MAS1: variants seen among roughly 807,000 people sequenced by gnomAD.
The protein encoded by MAS1 is proto-oncogene Mas.
For synonymous variants in MAS1, 163 were observed against 164.2 expected (o/e 0.99, Z 0.05); for missense variants, 387 against 409.7 (o/e 0.94, Z 0.48).
rs2115123081 is a variant in MAS1, at chr6:159,911,184, A to G, written c.*3251A>G. On this transcript the variant is annotated 3_prime_UTR_variant, in exon 3 of 3. Coordinates refer to ENST00000674077, the MANE Select transcript of MAS1 (RefSeq NM_002377.4). ...ATCACCTGCTTATTAATGAACCTCA[A>G]ATAGACATTTGCTGACCAGAACCCT... 1 of 152,222 alleles carries G rather than the reference A, an allele frequency of 6.6e-6. No homozygotes were observed. The allele number at this position is 152,222 out of a possible 1,614,324, so 9.4% of individuals were successfully genotyped here. A position where few individuals can be genotyped will look rare whatever the true frequency, so the allele number is the denominator to read the frequency against.
chr6:159,915,712 G>C lies in MAS1; in HGVS notation c.*7779G>C, dbSNP rs1259935910. ...CCACCCAAAGCAGATCCTGAGACAA[G>C]GATTTAGTGCAAGTAATTCATGTGG... On this transcript the variant is annotated 3_prime_UTR_variant, in exon 3 of 3. Transcript: ENST00000674077. The C allele has an allele frequency of 6.6e-6, 1 of 152,258 alleles. No homozygotes were observed. The highest frequency in any genetic ancestry group is 1.9e-4 in the East Asian group (1 of 5,200). 9.4% of individuals were successfully genotyped at this position (152,258 alleles called of 1,614,324 possible).
rs1286535541 is a variant in MAS1, at chr6:159,916,127, T to C, written c.*8194T>C. ...AATTAAAGTAACCTACCCCACGAAG[T>C]AGCTGTGCCAAGTAAGTGAAATAAT... On this transcript the variant is annotated 3_prime_UTR_variant, in exon 3 of 3. Transcript: ENST00000674077. 3 of 152,254 alleles carry C rather than the reference T, an allele frequency of 2.0e-5. No homozygotes were observed. The highest frequency in any genetic ancestry group is 1.3e-4 in the Admixed American group (2 of 15,288). The allele number at this position is 152,254 out of a possible 1,614,324, so 9.4% of individuals were successfully genotyped here.
intron 1 of MAS1, among the ~76,000 whole-genome samples, chr6:159,895,544 G>T (rs1462397849): frequency 6.6e-6 from 1 of 152,070 alleles, no homozygotes; most frequent in Admixed American, 6.5e-5. Context: ...AATGTTTCTT[G>T]CAGTTCAATA....
chr6:159,890,795 C>T (rs1431059413), upstream of MAS1, among the ~76,000 whole-genome samples: 3 of 152,214 alleles, frequency 2.0e-5, no homozygotes, highest in African/African-American at 7.2e-5. Flanking sequence ...TTCTCTTTAG[C>T]CCTGGCTGGC....
rs73586496 is a variant in MAS1 at position 159,894,498 on chromosome 6, A to G, written c.-244+3365A>G. ...GGCAGTGTAAGAAGAGATCCAGCGA[A>G]GGAGAAAGAAGAAGAACTGCAGGAA... On this transcript the variant is annotated intron_variant, in intron 1 of 2. Transcript: ENST00000674077. 6.7e-4 allele frequency among the ~76,000 whole-genome samples: 102 copies of G among 152,020 alleles called. 1 individual carries two copies. The highest frequency in any genetic ancestry group is 2.3e-3 in the African/African-American group (97 of 41,454).
At chr6:159,901,378 G>A (rs1782820082) in intron 2 of MAS1, among the ~76,000 whole-genome samples, 1 of 152,152 alleles carries the variant, frequency 6.6e-6, no homozygotes, top group Non-Finnish European at 1.5e-5. Flanking sequence ...TTGGGAGGCC[G>A]AAGCAGGGGG....
rs1782966620 is a variant in MAS1, at chr6:159,911,673, G to A, written c.*3740G>A. On this transcript the variant is annotated 3_prime_UTR_variant, in exon 3 of 3. Coordinates refer to ENST00000674077, the MANE Select transcript of MAS1 (RefSeq NM_002377.4). ...GAGAGCCTCTGGAAGCTGAGTTCCT[G>A]GATAACCGTGCCATACCTTTTCTTT... The A allele has an allele frequency of 6.6e-6, 1 of 152,066 alleles. No individual in the cohort carries two copies. Among genetic ancestry groups the A allele is most frequent in the African/African-American group, 2.4e-5 (1 of 41,378 alleles). The allele number at this position is 152,066 out of a possible 1,614,324, so 9.4% of individuals were successfully genotyped here.
rs1171045393 is a variant in MAS1 at position 159,912,232 on chromosome 6, A to G, written c.*4299A>G. 6.6e-6 allele frequency: 1 copy of G among 152,226 alleles called. No homozygotes were observed. Among genetic ancestry groups the G allele is most frequent in the Admixed American group, 6.5e-5 (1 of 15,288 alleles). 9.4% of individuals were successfully genotyped at this position (152,226 alleles called of 1,614,324 possible). A position where few individuals can be genotyped will look rare whatever the true frequency, so the allele number is the denominator to read the frequency against. The stretch of plus-strand genomic sequence containing the variant: ...GGAGATGGGATCGTTGGCTGCCTTC[A>G]TGGAGTTGTTTAAGGAGCACTTAGA... On this transcript the variant is annotated 3_prime_UTR_variant, in exon 3 of 3. Transcript: ENST00000674077.
At position 159,907,430 on chromosome 6, in the gene MAS1, C is replaced by T. The variant is rs772173297; in HGVS notation, c.475C>T (p.Leu159Phe). The T allele has an allele frequency of 3.7e-6, 6 of 1,614,062 alleles. No individual in the cohort carries two copies. The South Asian group carries it at 5.5e-5, about 15-fold the overall frequency. The stretch of plus-strand genomic sequence containing the variant: ...ATTGGTCTGTGCCCTTCTGTGGGCT[C>T]TTTCTTGCTTGGTGACCACCATGGA... The part of the protein sequence containing the change: ...SALVCALLWA[L>F]SCLVTTMEYV... Residue 159 changes from leucine (L) to phenylalanine (F), a missense_variant, in exon 3 of 3, where the codon CTT becomes TTT. Transcript: ENST00000674077.
chr6:159,900,416 A>G (rs962655367), intron 2 of MAS1, among the ~76,000 whole-genome samples: 7 of 152,196 alleles, frequency 4.6e-5, no homozygotes, highest in African/African-American at 1.4e-4. Context: ...ACGAGCACGT[A>G]GGGCCGGCTG....
At chr6:159,897,442 G>A (rs1451032900) in intron 1 of MAS1, among the ~76,000 whole-genome samples, 1 of 152,170 alleles carries the variant, frequency 6.6e-6, no homozygotes, top group Non-Finnish European at 1.5e-5. Context: ...AGGAGTAATG[G>A]GGAGGTAGAG....
At chr6:159,890,313 T>C (rs1242307479), upstream of MAS1, among the ~76,000 whole-genome samples, 1 of 152,214 alleles carries the variant, frequency 6.6e-6, no homozygotes, top group Non-Finnish European at 1.5e-5. Flanking sequence ...TTTGCTCTCA[T>C]GTTCCTGACT....
At chr6:159,904,093 G>A (rs944147397) in intron 2 of MAS1, among the ~76,000 whole-genome samples, 2 of 152,008 alleles carry the variant, frequency 1.3e-5, no homozygotes, top group East Asian at 1.9e-4. Context: ...TTCTTCCCCA[G>A]TTGTCCTCCT....
upstream of MAS1, among the ~76,000 whole-genome samples, chr6:159,890,861 C>A (rs1782689862): frequency 6.6e-6 from 1 of 152,244 alleles, no homozygotes. Flanking sequence ...ACACCCCGCT[C>A]TGGATTGGCG....
upstream of MAS1, among the ~76,000 whole-genome samples, chr6:159,889,041 G>A (rs1016452868): frequency 1.3e-5 from 2 of 152,124 alleles, no homozygotes; most frequent in Non-Finnish European, 2.9e-5. Flanking sequence ...GGGGCCTTCC[G>A]CCACCCACTC....
chr6:159,892,728 T>G lies in MAS1; in HGVS notation c.-244+1595T>G, dbSNP rs370746838. 3.3e-5 allele frequency among the ~76,000 whole-genome samples: 5 copies of G among 152,290 alleles called. No homozygotes were observed. In the East Asian group the frequency reaches 7.7e-4, roughly 24 times the overall value. ...TGCAGCCAGCAATCTCAGGTGGACC[T>G]GGCAGGACACAGGCTCTGCAAAGCC... is the stretch of plus-strand genomic sequence containing the variant. On this transcript the variant is annotated intron_variant, in intron 1 of 2. Coordinates refer to ENST00000674077, the MANE Select transcript of MAS1 (RefSeq NM_002377.4).
Position 159,912,297 on chromosome 6 carries a change from G to C in MAS1, c.*4364G>C, listed in dbSNP as rs1782973884. 1 of 152,208 alleles carries C rather than the reference G, an allele frequency of 6.6e-6. No homozygotes were observed. Among genetic ancestry groups the C allele is most frequent in the Non-Finnish European group, 1.5e-5 (1 of 68,036 alleles). The allele number at this position is 152,208 out of a possible 1,614,324, so 9.4% of individuals were successfully genotyped here. A position where few individuals can be genotyped will look rare whatever the true frequency, so the allele number is the denominator to read the frequency against. ...CATCCCTAGAATTTCACCATTAGAA[G>C]AGTAGTTCTGTTAGGTTGAAATTTG... On this transcript the variant is annotated 3_prime_UTR_variant, in exon 3 of 3. Transcript: ENST00000674077.
chr6:159,906,823 A>G, intron 2 of MAS1, 97 bp from the exon 3 acceptor site: 1 of 970,356 alleles, frequency 1.0e-6, no homozygotes, highest in Non-Finnish European at 1.5e-6. Flanking sequence ...TTTTAATAAC[A>G]TGAAGATTAT....
intron 2 of MAS1, 128 bp from the exon 3 acceptor site, chr6:159,906,792 T>C: frequency 1.5e-6 from 1 of 689,574 alleles, no homozygotes; most frequent in Non-Finnish European, 2.4e-6. Flanking sequence ...CAAAGATAAC[T>C]GTAGAGTCTG....
Sources: allele counts gnomAD v4.1 joint callset (sites outside exome capture counted in the v4.1 genomes callset), GRCh38; gene constraint gnomAD v4.1.1; transcripts MANE v1.5; gene names NCBI Gene and HGNC (gene_info 2026-07-23, HGNC 2026-07-21).